The following QTMAN variants were observed in gnomAD, a reference collection of about 807,000 sequenced individuals.
QTMAN encodes tRNA-queuosine alpha-mannosyltransferase.
At chr2:144,124,487 T>C in the QTMAN span, among the ~76,000 whole-genome samples, 1 of 152,120 alleles carries the variant, frequency 6.6e-6, no homozygotes, top group African/African-American at 2.4e-5. Context: ...AAAGGGTCCA[T>C]TTTCCTGATT....
the QTMAN span, among the ~76,000 whole-genome samples, chr2:144,061,587 T>A: frequency 1.3e-5 from 2 of 152,194 alleles, no homozygotes; most frequent in African/African-American, 4.8e-5. Context: ...ATGACCTAGG[T>A]GCTGACATGT....
chr2:144,034,007 G>GT, the QTMAN span, among the ~76,000 whole-genome samples: 1 of 152,226 alleles, frequency 6.6e-6, no homozygotes, highest in Non-Finnish European at 1.5e-5. Flanking sequence ...GCTGAGAAGA[G>GT]TAAGTCTTCG....
chr2:144,015,327 TA>T, the QTMAN span, among the ~76,000 whole-genome samples: 1 of 152,228 alleles, frequency 6.6e-6, no homozygotes, highest in Admixed American at 6.5e-5. Flanking sequence ...AGCCCTAGGC[TA>T]AACTGAAAAC....
At chr2:144,061,700 C>T in the QTMAN span, among the ~76,000 whole-genome samples, 67 of 152,172 alleles carry the variant, frequency 4.4e-4, no homozygotes, top group Admixed American at 3.0e-3. Context: ...AGCCTGGACC[C>T]GTGGCCCTAA....
chr2:144,073,024 T>C, the QTMAN span, among the ~76,000 whole-genome samples: 1,059 of 152,212 alleles, frequency 7.0e-3, 6 homozygotes, highest in Admixed American at 0.011. Flanking sequence ...CCATTAAAAC[T>C]GATTTCCCTG....
chr2:144,159,460 G>A, the QTMAN span, among the ~76,000 whole-genome samples: 8 of 151,970 alleles, frequency 5.3e-5, no homozygotes, highest in Non-Finnish European at 1.0e-4. Flanking sequence ...TCATGGGGCC[G>A]AGGCTGATTC....
chr2:144,131,801 A>C, the QTMAN span, among the ~76,000 whole-genome samples: 2 of 151,900 alleles, frequency 1.3e-5, no homozygotes, highest in African/African-American at 4.8e-5. Flanking sequence ...TAGCTAAGCA[A>C]TTTCAGGCAA....
the QTMAN span, among the ~76,000 whole-genome samples, chr2:144,133,194 T>C: frequency 1.4e-5 from 1 of 71,028 alleles, no homozygotes; most frequent in Non-Finnish European, 2.4e-5. Flanking sequence ...TATAAATTTA[T>C]ATATATATAT....
At chr2:144,202,934 A>G in the QTMAN span, among the ~76,000 whole-genome samples, 1 of 152,226 alleles carries the variant, frequency 6.6e-6, no homozygotes, top group South Asian at 2.1e-4. Context: ...TTCACAGTGC[A>G]TGCTACTAAC....
chr2:143,959,851 G>C, the QTMAN span, among the ~76,000 whole-genome samples: 4 of 151,916 alleles, frequency 2.6e-5, no homozygotes, highest in Non-Finnish European at 5.9e-5. Context: ...GGAAAAAGCC[G>C]AGTCAATTTA....
the QTMAN span, among the ~76,000 whole-genome samples, chr2:144,273,826 C>A: frequency 6.6e-6 from 1 of 152,088 alleles, no homozygotes. Context: ...GACAATGGCC[C>A]AGTGTGACAT....
At chr2:144,047,704 A>C in the QTMAN span, among the ~76,000 whole-genome samples, 1 of 152,338 alleles carries the variant, frequency 6.6e-6, no homozygotes, top group African/African-American at 2.4e-5. Context: ...AGCGCCCTTC[A>C]AGAGTTTATT....
At chr2:144,220,345 C>A in the QTMAN span, among the ~76,000 whole-genome samples, 1 of 152,130 alleles carries the variant, frequency 6.6e-6, no homozygotes, top group Non-Finnish European at 1.5e-5. Flanking sequence ...TGTATAATTT[C>A]TAGAAGGTCT....
At chr2:143,950,289 T>C in the QTMAN span, among the ~76,000 whole-genome samples, 3 of 151,756 alleles carry the variant, frequency 2.0e-5, no homozygotes, top group African/African-American at 7.2e-5. Context: ...CAATTTGGTA[T>C]ATTAACAACA....
the QTMAN span, among the ~76,000 whole-genome samples, chr2:144,229,349 A>T: frequency 6.6e-6 from 1 of 152,200 alleles, no homozygotes; most frequent in Non-Finnish European, 1.5e-5. Flanking sequence ...TCACTGTGGC[A>T]ATTCAAAGGA....
chr2:144,220,526 T>A, the QTMAN span, among the ~76,000 whole-genome samples: 2 of 152,328 alleles, frequency 1.3e-5, 1 homozygote, highest in South Asian at 4.1e-4. Flanking sequence ...TTTTGTCTAA[T>A]GAAGCAGAGA....
At chr2:143,969,554 T>C in the QTMAN span, among the ~76,000 whole-genome samples, 1 of 152,036 alleles carries the variant, frequency 6.6e-6, no homozygotes. Flanking sequence ...CTTGTGTGCA[T>C]ACGCGTGAAA....
the QTMAN span, among the ~76,000 whole-genome samples, chr2:144,020,143 T>G: frequency 6.6e-6 from 1 of 152,184 alleles, no homozygotes; most frequent in Non-Finnish European, 1.5e-5. Context: ...GCATGGTCCC[T>G]TTAAATGATA....
At chr2:144,322,926 C>A in the QTMAN span, among the ~76,000 whole-genome samples, 2 of 152,178 alleles carry the variant, frequency 1.3e-5, no homozygotes, top group Non-Finnish European at 2.9e-5. Flanking sequence ...CACCACCCAT[C>A]ATCTCATCAG....
Sources: allele counts gnomAD v4.1 joint callset (sites outside exome capture counted in the v4.1 genomes callset), GRCh38; gene constraint gnomAD v4.1.1; transcripts MANE v1.5; gene names NCBI Gene and HGNC (gene_info 2026-07-23, HGNC 2026-07-21).